KDM4C: variants seen among roughly 807,000 people sequenced by gnomAD.
KDM4C encodes the protein lysine-specific demethylase 4C.
A neutral mutation model predicts 129.3 loss-of-function variants in KDM4C; 81 were observed. The observed-to-expected ratio is 0.63, with a 90% CI of 0.52 to 0.75. The LOEUF (loss-of-function observed/expected upper bound fraction) is 0.75. Among genes scored for constraint, KDM4C ranks in the 30% least tolerant of loss-of-function variants. The pLI, the probability that KDM4C is intolerant of heterozygous loss-of-function variation, is 0.00. For missense variants in KDM4C, 1,457 were observed against 1,304.0 expected (o/e 1.12, Z -1.81); for synonymous variants, 573 against 456.1 (o/e 1.26, Z -3.26).
chr9:6,759,685 G>T (rs1243909744), intron 1 of KDM4C, among the ~76,000 whole-genome samples: 1 of 152,054 alleles, frequency 6.6e-6, no homozygotes, highest in African/African-American at 2.4e-5. Context: ...CGGCGCCGTG[G>T]CTCCTGCCTG....
At chr9:7,081,274 C>T (rs922460926) in intron 17 of KDM4C, among the ~76,000 whole-genome samples, 1 of 152,090 alleles carries the variant, frequency 6.6e-6, no homozygotes, top group Admixed American at 6.6e-5. Context: ...AGGACCTGGG[C>T]CAAGTGTTTG....
chr9:7,040,383 G>GTGTGTC (rs1554712830), intron 15 of KDM4C, among the ~76,000 whole-genome samples: 2 of 138,476 alleles, frequency 1.4e-5, no homozygotes, highest in African/African-American at 2.8e-5. Context: ...GTGTGTGTGT[G>GTGTGTC]TGTGTGTGTG....
intron 8 of KDM4C, among the ~76,000 whole-genome samples, chr9:6,927,847 T>C (rs1300918211): frequency 7.2e-5 from 11 of 152,192 alleles, no homozygotes; most frequent in African/African-American, 2.7e-4. Context: ...GGCATTCTAA[T>C]CACTATTTTG....
At chr9:6,876,868 A>G (rs1389620266) in intron 5 of KDM4C, among the ~76,000 whole-genome samples, 1 of 151,818 alleles carries the variant, frequency 6.6e-6, no homozygotes, top group African/African-American at 2.4e-5. Context: ...GTATTACCGG[A>G]AAAAAAAATC....
chr9:6,859,481 A>C (rs1840529662), intron 5 of KDM4C, among the ~76,000 whole-genome samples: 1 of 150,108 alleles, frequency 6.7e-6, no homozygotes, highest in African/African-American at 2.4e-5. Context: ...CTCAAAAAAA[A>C]AAAAAAAAAA....
rs1314383429 is a variant in KDM4C, at chr9:7,128,250, C to T, written c.2781+14C>T. 1.3e-6 allele frequency: 2 copies of T among 1,548,970 alleles called. No homozygotes were observed. Among genetic ancestry groups the T allele is most frequent in the Non-Finnish European group, 1.7e-6 (2 of 1,145,320 alleles). On this transcript the variant is annotated intron_variant, in intron 19 of 21. Transcript: ENST00000381309. ...GAGGATATCGTGGTAAGTAGGCTTC[C>T]TTGAGTGCCTGCTACCCAGAGTAAT...
At chr9:7,036,044 G>A (rs924193719) in intron 15 of KDM4C, among the ~76,000 whole-genome samples, 1 of 151,986 alleles carries the variant, frequency 6.6e-6, no homozygotes, top group Admixed American at 6.6e-5. Context: ...GTTTTGATAG[G>A]GATTGCATTG....
rs12683463 is a variant in KDM4C, at chr9:6,789,040, A to T, written c.-17-3932A>T. Among the ~76,000 whole-genome samples the T allele has an allele frequency of 2.0e-5, 3 of 149,616 alleles. No homozygotes were observed. In the East Asian group the frequency reaches 5.9e-4, roughly 29 times the overall value. ...GTAGTTAGGTGAGGGCCAGATCCAG[A>T]TTTTTGTTTTTTTTTTTTTTTGAAA... On this transcript the variant is annotated intron_variant, in intron 1 of 21. Coordinates refer to ENST00000381309, the MANE Select transcript of KDM4C (RefSeq NM_015061.6).
intron 8 of KDM4C, among the ~76,000 whole-genome samples, chr9:6,928,159 C>T (rs778304259): frequency 2.6e-5 from 4 of 152,184 alleles, no homozygotes; most frequent in Non-Finnish European, 4.4e-5. Context: ...TCATGTTACT[C>T]AACCCCTCAC....
chr9:7,016,203 C>T (rs143048085), intron 15 of KDM4C, among the ~76,000 whole-genome samples: 2,183 of 151,970 alleles, frequency 0.014, 30 homozygotes, highest in Non-Finnish European at 0.023. Context: ...TCTTGGCTCA[C>T]TGCAAGCTCC....
intron 17 of KDM4C, among the ~76,000 whole-genome samples, chr9:7,082,251 C>T (rs576811457): frequency 6.6e-6 from 1 of 152,110 alleles, no homozygotes; most frequent in African/African-American, 2.4e-5. Context: ...CCTTAGCCCA[C>T]CAGAATGGTA....
rs141388293 is a variant in KDM4C at position 7,049,149 on chromosome 9, A to G, written c.2373A>G (p.Pro791=). The G allele has an allele frequency of 3.5e-5, 57 of 1,612,506 alleles. No homozygotes were observed. The African/African-American group carries it at 6.7e-4, about 19-fold the overall frequency. The change falls in exon 17 of 22, where the codon CCA becomes CCG. Residue 791 remains proline, a synonymous_variant. Transcript: ENST00000381309. ...CAGAAGTTCGATTCACTAATGTCCCAGAAAGGACACAAATAGATGTAGGCA... is the reference window on the plus strand; with the variant it reads ...CAGAAGTTCGATTCACTAATGTCCCGGAAAGGACACAAATAGATGTAGGCA... ...AVPEVRFTNV[P]ERTQIDVGRI...
chr9:6,771,764 C>T (rs766230907), intron 1 of KDM4C, among the ~76,000 whole-genome samples: 1 of 152,224 alleles, frequency 6.6e-6, no homozygotes, highest in Non-Finnish European at 1.5e-5. Context: ...GTCCAGGCCA[C>T]AGCTGGGTGC....
At chr9:6,760,799 C>G (rs1819316548) in intron 1 of KDM4C, among the ~76,000 whole-genome samples, 1 of 151,626 alleles carries the variant, frequency 6.6e-6, no homozygotes, top group East Asian at 2.0e-4. Context: ...GTCTCGATCT[C>G]CTGACCTCGT....
At chr9:6,843,235 C>T (rs1243570089) in intron 4 of KDM4C, among the ~76,000 whole-genome samples, 1 of 152,234 alleles carries the variant, frequency 6.6e-6, no homozygotes, top group African/African-American at 2.4e-5. Context: ...GGCCTGCTGC[C>T]ATGCTGTTTG....
chr9:7,130,227 A>G (rs1393056500), intron 19 of KDM4C, among the ~76,000 whole-genome samples: 2 of 152,228 alleles, frequency 1.3e-5, no homozygotes, highest in Non-Finnish European at 2.9e-5. Flanking sequence ...TCTGAGCACT[A>G]ATTTCAAAAC....
intron 11 of KDM4C, among the ~76,000 whole-genome samples, chr9:6,988,871 A>G (rs1818223943): frequency 6.6e-6 from 1 of 151,946 alleles, no homozygotes. Context: ...ATTACCCTAT[A>G]AAACTGCCCC....
chr9:6,815,600 T>C (rs2809098), intron 4 of KDM4C, among the ~76,000 whole-genome samples: 148,692 of 152,296 alleles, frequency 0.98, 72,608 homozygotes, highest in East Asian at 1. Context: ...TTAGGTTCAC[T>C]AGTACAGGTT....
At chr9:7,068,038 C>G (rs1832683198) in intron 17 of KDM4C, among the ~76,000 whole-genome samples, 1 of 152,116 alleles carries the variant, frequency 6.6e-6, no homozygotes. Context: ...CCTCGTGATC[C>G]ACCCGCCTCG....
Sources: gnomAD v4.1 joint callset for allele counts (sites outside exome capture counted in the v4.1 genomes callset) on GRCh38, gnomAD v4.1.1 for gene constraint, MANE v1.5 for transcripts, NCBI Gene and HGNC (gene_info 2026-07-23, HGNC 2026-07-21) for gene names.